NDNF: variants seen among roughly 807,000 people sequenced by gnomAD.
NDNF encodes protein NDNF.
Under a neutral mutation model 42.0 loss-of-function variants are expected in NDNF, and 16 were observed. That is an observed-to-expected ratio of 0.38 (90% CI 0.26 to 0.58). The LOEUF is 0.58. Among genes scored for constraint, NDNF ranks in the 20% least tolerant of loss-of-function variants. The pLI is 0.67. For missense variants in NDNF, 616 were observed against 666.2 expected, an observed-to-expected ratio of 0.92 and a Z score of 0.83; for synonymous variants, 248 against 251.7, an observed-to-expected ratio of 0.99 and a Z score of 0.14.
In NDNF at chr4:121,037,367, C is replaced by A. The variant is rs1398872076; in HGVS notation, c.604G>T (p.Ala202Ser). Residue 202 changes from alanine to serine, a missense_variant, in exon 4 of 4, where the codon GCC becomes TCC. Transcript: ENST00000379692. ...VTLAWKPSPT[A>S]SLLKQPIQYC... is the part of the protein sequence containing the mutation. ...TGAATGGGTTGTTTCAGCAAAGAGGCAGTGGGGCTTGGTTTCCAGGCCAAA... is the reference window on the plus strand; with the variant it reads ...TGAATGGGTTGTTTCAGCAAAGAGGAAGTGGGGCTTGGTTTCCAGGCCAAA... 1.2e-6 allele frequency: 2 copies of A among 1,613,978 alleles called. No homozygotes were observed. Among genetic ancestry groups the A allele is most frequent in the African/African-American group, 2.7e-5 (2 of 74,894 alleles).
intron 1 of NDNF, among the ~76,000 whole-genome samples, chr4:121,054,001 C>G (rs1362770277): frequency 6.6e-6 from 1 of 152,150 alleles, no homozygotes; most frequent in Non-Finnish European, 1.5e-5. Context: ...GAAGGTGAGG[C>G]ATGAATTGTT....
At position 121,071,229 on chromosome 4, in the gene NDNF, G is replaced by A. The variant is rs1189032485; in HGVS notation, c.-2+764C>T. On this transcript the variant is annotated intron_variant, in intron 1 of 3. Coordinates refer to ENST00000379692, the MANE Select transcript of NDNF (RefSeq NM_024574.4). ...GGGCACGAAGCCGAGTCTCCTGGCT[G>A]GGGCCGTAGGGGGCGTCACCTCGGT... Among the ~76,000 whole-genome samples, 3 of 152,138 alleles carry A rather than the reference G, an allele frequency of 2.0e-5. No homozygotes were observed. In the East Asian group the frequency reaches 5.8e-4, roughly 29 times the overall value.
In NDNF at chr4:121,039,165, A is replaced by ATATG. The variant is rs1560603111; in HGVS notation, c.313+764_313+765insCATA. On this transcript the variant is annotated intron_variant, in intron 3 of 3. Transcript: ENST00000379692. ...TATGTGTATATATATATGTATATAT[A>ATATG]TATATAAAGACTATGTGTGTGTGTG... 2.9e-4 allele frequency among the ~76,000 whole-genome samples: 16 copies of ATATG among 54,242 alleles called. 1 individual carries two copies. The highest frequency in any genetic ancestry group is 4.4e-4 in the African/African-American group (11 of 24,770). The allele number at this position is 54,242 out of a possible 152,430, so 35.6% of individuals were successfully genotyped here. A position where few individuals can be genotyped will look rare whatever the true frequency, so the allele number is the denominator to read the frequency against.
intron 1 of NDNF, among the ~76,000 whole-genome samples, chr4:121,051,416 A>G (rs1403352486): frequency 6.6e-6 from 1 of 152,158 alleles, no homozygotes; most frequent in African/African-American, 2.4e-5. Context: ...GATAAAATAA[A>G]CTGTCCAACT....
chr4:121,071,772 A>AAAT (rs1253606184), intron 1 of NDNF: 2 of 151,278 alleles, frequency 1.3e-5, no homozygotes, highest in African/African-American at 4.9e-5. Context: ...ACAACAATAA[A>AAAT]AAAAAAAAAA....
rs1034918796 is a variant in NDNF, at chr4:121,045,826, G to C, written c.12C>G (p.Leu4=). The part of the protein sequence containing the change: MVL[L]HWCLLWLLFP... ...ACAGGAGCCACAGCAGGCACCAGTG[G>C]AGCAGCACCATCCTGAGGCAACAGA... The change falls in exon 2 of 4, where the codon CTC becomes CTG. Residue 4 remains leucine, a synonymous_variant. Transcript: ENST00000379692. The C allele has an allele frequency of 6.2e-7, 1 of 1,614,032 alleles. No homozygotes were observed. Among genetic ancestry groups the C allele is most frequent in the African/African-American group, 1.3e-5 (1 of 75,038 alleles).
intron 1 of NDNF, among the ~76,000 whole-genome samples, chr4:121,053,804 C>T (rs960738621): frequency 6.6e-6 from 1 of 152,174 alleles, no homozygotes; most frequent in Admixed American, 6.5e-5. Context: ...TGCTTGGTTG[C>T]TTTTCTTGCT....
chr4:121,036,747 C>A lies in NDNF; in HGVS notation c.1224G>T (p.Gln408His), dbSNP rs1726877184. The A allele has an allele frequency of 6.2e-7, 1 of 1,614,110 alleles. No homozygotes were observed. The highest frequency in any genetic ancestry group is 1.3e-5 in the African/African-American group (1 of 75,026). Residue 408 changes from glutamine (Q) to histidine (H), a missense_variant, in exon 4 of 4, where the codon CAG (glutamine) becomes CAT (histidine). Coordinates refer to ENST00000379692, the MANE Select transcript of NDNF (RefSeq NM_024574.4). ...SQNVEGIQQF[Q>H]LRGKPKAKYL... ...ATTTAGCTTTAGGTTTTCCTCTAAGCTGAAACTGCTGAATGCCTTCCACAT... is the reference window on the plus strand; with the variant it reads ...ATTTAGCTTTAGGTTTTCCTCTAAGATGAAACTGCTGAATGCCTTCCACAT...
chr4:121,060,212 G>T (rs2148770518), intron 1 of NDNF, among the ~76,000 whole-genome samples: 1 of 151,740 alleles, frequency 6.6e-6, no homozygotes, highest in Admixed American at 6.6e-5. Context: ...ACAGAGTCTT[G>T]CTCTGTCACC....
intron 1 of NDNF, among the ~76,000 whole-genome samples, chr4:121,060,406 C>G (rs953776587): frequency 6.6e-6 from 1 of 152,100 alleles, no homozygotes; most frequent in Non-Finnish European, 1.5e-5. Flanking sequence ...GTTTTGAACT[C>G]CTGGCTTCAA....
intron 1 of NDNF, among the ~76,000 whole-genome samples, chr4:121,051,949 T>G (rs1437892893): frequency 1.3e-5 from 2 of 152,236 alleles, no homozygotes; most frequent in Admixed American, 6.5e-5. Context: ...AAAGTTCTTT[T>G]GGGCTTTCAT....
At chr4:121,041,795 G>C (rs1232434861) in intron 2 of NDNF, among the ~76,000 whole-genome samples, 5 of 152,162 alleles carry the variant, frequency 3.3e-5, no homozygotes, top group Non-Finnish European at 7.4e-5. Flanking sequence ...CTTTACATGT[G>C]AGTTGGGGCA....
Position 121,067,499 on chromosome 4 carries a change from A to T in NDNF, c.-2+4494T>A, listed in dbSNP as rs1295937479. 3.3e-5 allele frequency among the ~76,000 whole-genome samples: 5 copies of T among 152,326 alleles called. No homozygotes were observed. The East Asian group carries it at 9.6e-4, about 29-fold the overall frequency. Reference sequence around the variant, plus strand: ...TGGAAGTTATTGAAAGAATGATGACATATATCTTGAAAGTTTCTATACTTT... The same window carrying T: ...TGGAAGTTATTGAAAGAATGATGACTTATATCTTGAAAGTTTCTATACTTT... On this transcript the variant is annotated intron_variant, in intron 1 of 3. Coordinates refer to ENST00000379692, the MANE Select transcript of NDNF (RefSeq NM_024574.4).
At chr4:121,054,418 G>C (rs1727250349) in intron 1 of NDNF, among the ~76,000 whole-genome samples, 1 of 152,208 alleles carries the variant, frequency 6.6e-6, no homozygotes, top group Non-Finnish European at 1.5e-5. Context: ...GGAAGTGAGT[G>C]TTCTAGTGGG....
intron 1 of NDNF, among the ~76,000 whole-genome samples, chr4:121,052,871 G>A (rs1727223471): frequency 6.6e-6 from 1 of 152,164 alleles, no homozygotes; most frequent in South Asian, 2.1e-4. Context: ...AAATTTGAAG[G>A]AAATACAGCA....
At chr4:121,045,535 A>G in intron 2 of NDNF, 115 bp downstream of exon 2, 1 of 803,496 alleles carries the variant, frequency 1.2e-6, no homozygotes, top group Non-Finnish European at 2.0e-6. Flanking sequence ...GAAAATCGGT[A>G]ATGCCATTCA....
intron 1 of NDNF, among the ~76,000 whole-genome samples, chr4:121,047,618 C>T (rs779900771): frequency 6.6e-6 from 1 of 152,150 alleles, no homozygotes; most frequent in Non-Finnish European, 1.5e-5. Flanking sequence ...CAACTGAGAG[C>T]TAAGAAACTT....
intron 1 of NDNF, among the ~76,000 whole-genome samples, chr4:121,062,956 A>T (rs374988921): frequency 1.3e-5 from 2 of 152,318 alleles, no homozygotes; most frequent in African/African-American, 4.8e-5. Flanking sequence ...TACTTTCATT[A>T]TCTGAACTTA....
At position 121,045,824 on chromosome 4, in the gene NDNF, TG is replaced by T; in HGVS notation, c.13del (p.His5ThrfsTer41). 2 of 1,614,080 alleles carry T rather than the reference TG, an allele frequency of 1.2e-6. No individual in the cohort carries two copies. The highest frequency in any genetic ancestry group is 1.7e-6 in the Non-Finnish European group (2 of 1,179,990). On this transcript the variant is annotated frameshift_variant, in exon 2 of 4. Coordinates refer to ENST00000379692, the MANE Select transcript of NDNF (RefSeq NM_024574.4). LOFTEE classifies it high-confidence loss of function. Reference sequence around the variant, plus strand: ...AAACAGGAGCCACAGCAGGCACCAGTGGAGCAGCACCATCCTGAGGCAACAG... The same window carrying T: ...AAACAGGAGCCACAGCAGGCACCAGTGAGCAGCACCATCCTGAGGCAACAG... Reference protein sequence around the residue: MVLLHWCLLWLLFPL... With the variant: MVLLXWCLLWLLFPL...
Sources: gnomAD v4.1 joint callset for allele counts (sites outside exome capture counted in the v4.1 genomes callset) on GRCh38, gnomAD v4.1.1 for gene constraint, MANE v1.5 for transcripts, NCBI Gene and HGNC (gene_info 2026-07-23, HGNC 2026-07-21) for gene names.